Variants in PACRG observed in about 807,000 individuals in gnomAD.
PACRG encodes the protein parkin coregulated, also known as parkin coregulated gene protein.
PACRG carries 29 observed loss-of-function variants against 29.7 expected under a neutral mutation model. That is an observed-to-expected ratio of 0.98 (90% CI 0.73 to 1.33). The LOEUF is 1.33. Among genes scored for constraint, PACRG ranks in the 40% most tolerant of loss-of-function variants. The pLI is 0.00. For synonymous variants in PACRG, 116 were observed against 118.7 expected, an observed-to-expected ratio of 0.98 and a Z score of 0.15; for missense variants, 279 against 316.2, an observed-to-expected ratio of 0.88 and a Z score of 0.89.
intron 4 of PACRG, among the ~76,000 whole-genome samples, chr6:163,135,035 A>G (rs182613334): frequency 3.3e-5 from 5 of 152,296 alleles, no homozygotes; most frequent in Admixed American, 1.3e-4. Flanking sequence ...CTCAGTATAT[A>G]TATCTGTAAC....
intron 2 of PACRG, among the ~76,000 whole-genome samples, chr6:162,986,128 A>C (rs560459540): frequency 6.6e-6 from 1 of 152,224 alleles, no homozygotes; most frequent in Admixed American, 6.6e-5. Context: ...TGTGAAAATG[A>C]CCATACTGCC....
At chr6:162,762,254 A>C (rs549610698) in intron 1 of PACRG, among the ~76,000 whole-genome samples, 98 of 152,332 alleles carry the variant, frequency 6.4e-4, no homozygotes, top group African/African-American at 2.3e-3. Context: ...TCTAAAACCA[A>C]GAAAGAGTTC....
intron 2 of PACRG, among the ~76,000 whole-genome samples, chr6:162,857,590 A>G (rs1205716371): frequency 6.6e-6 from 1 of 152,202 alleles, no homozygotes; most frequent in Non-Finnish European, 1.5e-5. Context: ...CTCTAACAAG[A>G]GTGTTCCATC....
intron 2 of PACRG, among the ~76,000 whole-genome samples, chr6:162,942,129 G>A (rs190945529): frequency 9.2e-5 from 14 of 152,210 alleles, no homozygotes; most frequent in South Asian, 6.2e-4. Flanking sequence ...CTAACCTTTC[G>A]CACCAAAAGA....
chr6:163,166,384 T>C (rs1432354534), intron 4 of PACRG: 2 of 342,606 alleles, frequency 5.8e-6, no homozygotes, highest in Non-Finnish European at 1.2e-5. Context: ...TGTGCCAAGT[T>C]ATTAAGAATA....
At chr6:162,918,504 A>G (rs1378008469) in intron 2 of PACRG, among the ~76,000 whole-genome samples, 2 of 152,194 alleles carry the variant, frequency 1.3e-5, no homozygotes, top group African/African-American at 4.8e-5. Flanking sequence ...GTTTTCTGGT[A>G]TTTCTGGCAC....
chr6:163,187,661 G>A (rs1285081036), intron 4 of PACRG: 1 of 152,132 alleles, frequency 6.6e-6, no homozygotes, highest in Non-Finnish European at 1.5e-5. Context: ...CCATCCCAAA[G>A]TGGATTCTCA....
intron 4 of PACRG, among the ~76,000 whole-genome samples, chr6:163,245,393 G>A (rs995090208): frequency 6.6e-6 from 1 of 152,128 alleles, no homozygotes; most frequent in Non-Finnish European, 1.5e-5. Flanking sequence ...CAGACTGGGG[G>A]TATTTTTAAT....
chr6:162,937,618 C>T (rs1394868518), intron 2 of PACRG, among the ~76,000 whole-genome samples: 1 of 152,168 alleles, frequency 6.6e-6, no homozygotes, highest in Non-Finnish European at 1.5e-5. Context: ...CCTCCCCAAA[C>T]CAGTTTCCAT....
chr6:163,197,339 C>T (rs879658626), intron 4 of PACRG, among the ~76,000 whole-genome samples: 12 of 151,888 alleles, frequency 7.9e-5, no homozygotes, highest in Non-Finnish European at 1.2e-4. Context: ...AAAAGAAATA[C>T]CATCTGTAAA....
chr6:163,307,492 T>C (rs1256396572), intron 4 of PACRG, among the ~76,000 whole-genome samples: 1 of 152,250 alleles, frequency 6.6e-6, no homozygotes, highest in Admixed American at 6.5e-5. Flanking sequence ...TTGTAAGTTT[T>C]GGTTGAAAAA....
chr6:162,941,721 T>G (rs1021006882), intron 2 of PACRG, among the ~76,000 whole-genome samples: 2 of 152,174 alleles, frequency 1.3e-5, no homozygotes, highest in African/African-American at 4.8e-5. Context: ...TTCAAGACAT[T>G]GTACCCCATA....
intron 2 of PACRG, among the ~76,000 whole-genome samples, chr6:162,883,909 A>ATATAT (rs58956652): frequency 0.7 from 105,298 of 151,402 alleles, 37,943 homozygotes; most frequent in African/African-American, 0.9. Context: ...TGCTCTCTAC[A>ATATAT]TATATGCATT....
chr6:162,852,430 T>A (rs1791000766), intron 2 of PACRG, among the ~76,000 whole-genome samples: 1 of 152,160 alleles, frequency 6.6e-6, no homozygotes, highest in Non-Finnish European at 1.5e-5. Flanking sequence ...TAAGACGCGC[T>A]TCTGTGGGAT....
Position 163,276,008 on chromosome 6 carries a change from CTTCT to C in PACRG, c.614-38792_614-38789del, listed in dbSNP as rs376811032. ...TTCTCTTTCCTTCCTTCCTTCCTTC[CTTCT>C]TTCTTTCTTTCTTTCTTTCTTTCTT... is the stretch of plus-strand genomic sequence containing the variant. On this transcript the variant is annotated intron_variant, in intron 4 of 4. Transcript: ENST00000366888. Among the ~76,000 whole-genome samples the C allele has an allele frequency of 2.4e-3, 332 of 140,670 alleles. 4 individuals are homozygous for C. The highest frequency in any genetic ancestry group is 6.8e-3 in the Middle Eastern group (2 of 292). The allele number at this position is 140,670 out of a possible 152,430, so 92.3% of individuals were successfully genotyped here.
chr6:163,202,098 C>A (rs1780723987), intron 4 of PACRG, among the ~76,000 whole-genome samples: 1 of 152,136 alleles, frequency 6.6e-6, no homozygotes, highest in Non-Finnish European at 1.5e-5. Context: ...AGCAGGAGGG[C>A]AGCAGGGTTC....
intron 2 of PACRG, among the ~76,000 whole-genome samples, chr6:162,895,024 T>G (rs1454338299): frequency 2.0e-5 from 3 of 152,098 alleles, no homozygotes; most frequent in Non-Finnish European, 2.9e-5. Flanking sequence ...TCAAACCAAA[T>G]AAACTATAAC....
At chr6:162,847,004 A>T (rs1288835536) in intron 2 of PACRG, among the ~76,000 whole-genome samples, 3 of 126,416 alleles carry the variant, frequency 2.4e-5, no homozygotes, top group African/African-American at 8.7e-5. Context: ...TGTGCTCCCC[A>T]CACTGTGATG....
rs1315765238 is a variant in PACRG, at chr6:163,062,449, C to T, written c.463+128C>T. On this transcript the variant is annotated intron_variant, in intron 3 of 4. Coordinates refer to ENST00000366888, the MANE Select transcript of PACRG (RefSeq NM_001080379.2). Reference sequence around the variant, plus strand: ...TTTTGCAGGAATTTTCATAAATTGACTTAGGAGGCCAGACAACCCAAATCT... The same window carrying T: ...TTTTGCAGGAATTTTCATAAATTGATTTAGGAGGCCAGACAACCCAAATCT... The T allele has an allele frequency of 5.5e-6, 6 of 1,098,758 alleles. No homozygotes were observed. In the East Asian group the frequency reaches 1.6e-4, roughly 29 times the overall value. The allele number at this position is 1,098,758 out of a possible 1,614,324, so 68.1% of individuals were successfully genotyped here.
Sources: gnomAD v4.1 joint callset for allele counts (sites outside exome capture counted in the v4.1 genomes callset) on GRCh38, gnomAD v4.1.1 for gene constraint, MANE v1.5 for transcripts, NCBI Gene and HGNC (gene_info 2026-07-23, HGNC 2026-07-21) for gene names.